Variants in XKR9 observed in about 807,000 individuals in gnomAD.
The protein encoded by XKR9 is XK related 9.
XKR9 carries 32 observed loss-of-function variants against 32.0 expected under a neutral mutation model. The observed-to-expected ratio is 1.00, with a 90% confidence interval of 0.76 to 1.34. The LOEUF (loss-of-function observed/expected upper bound fraction) is 1.34, where lower values mean the gene tolerates loss of function less well. Ranked by LOEUF, XKR9 falls within the 40% of genes most tolerant of loss-of-function variation. The probability of loss-of-function intolerance (pLI) is 0.00; values close to 1 mark genes in which losing one functional copy is unlikely to be tolerated. For synonymous variants in XKR9, 168 were observed against 143.4 expected, an observed-to-expected ratio of 1.17 and a Z score of -1.22; for missense variants, 546 against 429.7, an observed-to-expected ratio of 1.27 and a Z score of -2.39.
At chr8:70,813,864 C>T in the XKR9 span, among the ~76,000 whole-genome samples, 1 of 152,158 alleles carries the variant, frequency 6.6e-6, no homozygotes, top group African/African-American at 2.4e-5. Flanking sequence ...ACTAGTTCAA[C>T]CATTGTGGAA....
chr8:71,008,492 T>C, the XKR9 span, among the ~76,000 whole-genome samples: 1 of 152,240 alleles, frequency 6.6e-6, no homozygotes, highest in Non-Finnish European at 1.5e-5. Flanking sequence ...GGCCCCCAGA[T>C]CAGCAGCATT....
At chr8:71,036,500 A>G in the XKR9 span, among the ~76,000 whole-genome samples, 1 of 152,332 alleles carries the variant, frequency 6.6e-6, no homozygotes, top group Non-Finnish European at 1.5e-5. Context: ...TCAGCATAAT[A>G]GAACTCAAAA....
intron 3 of XKR9, among the ~76,000 whole-genome samples, chr8:70,694,147 G>C (rs1274605110): frequency 6.6e-6 from 1 of 152,232 alleles, no homozygotes; most frequent in Non-Finnish European, 1.5e-5. Flanking sequence ...AGTGAAGGCT[G>C]TGAAACAGCA....
intron 4 of XKR9, among the ~76,000 whole-genome samples, 169 bp from the exon 5 acceptor site, chr8:70,733,627 T>C (rs2132243592): frequency 6.6e-6 from 1 of 152,192 alleles, no homozygotes; most frequent in South Asian, 2.1e-4. Flanking sequence ...TCTCCAAGTC[T>C]CAGTTCCCCC....
chr8:71,011,074 G>T, the XKR9 span, among the ~76,000 whole-genome samples: 1 of 152,280 alleles, frequency 6.6e-6, no homozygotes, highest in East Asian at 1.9e-4. Flanking sequence ...TGTGTAAGAC[G>T]CATGGTGGCA....
At chr8:70,849,155 C>T in the XKR9 span, among the ~76,000 whole-genome samples, 3 of 152,156 alleles carry the variant, frequency 2.0e-5, no homozygotes, top group African/African-American at 4.8e-5. Context: ...CTTCTCAGCA[C>T]CACATCGCAC....
the XKR9 span, among the ~76,000 whole-genome samples, chr8:71,014,010 T>C: frequency 6.6e-6 from 1 of 152,098 alleles, no homozygotes; most frequent in African/African-American, 2.4e-5. Context: ...GCCTACTCTC[T>C]CACCCCCATT....
rs202147017 is a variant in XKR9, at chr8:70,719,157, A to AT, written c.493+12013dup. Among the ~76,000 whole-genome samples, 105 of 148,752 alleles carry AT rather than the reference A, an allele frequency of 7.1e-4. 1 individual carries two copies. Among genetic ancestry groups the AT allele is most frequent in the Non-Finnish European group, 1.4e-3 (92 of 66,636 alleles). ...TATCCTTCACTGACTTTTTGATGGG[A>AT]TTTTTTTTTCTTGTAAATTTAAGTT... On this transcript the variant is annotated intron_variant, in intron 4 of 4. Transcript: ENST00000408926.
the XKR9 span, among the ~76,000 whole-genome samples, chr8:70,913,314 A>T: frequency 1.3e-5 from 2 of 152,184 alleles, no homozygotes; most frequent in Non-Finnish European, 2.9e-5. Flanking sequence ...AGCAAAGAAA[A>T]AGCATATATT....
chr8:70,992,052 A>G, the XKR9 span, among the ~76,000 whole-genome samples: 3 of 152,230 alleles, frequency 2.0e-5, no homozygotes, highest in Non-Finnish European at 4.4e-5. Flanking sequence ...CTCCAAATCC[A>G]AATCTGTGTT....
intron 2 of XKR9, among the ~76,000 whole-genome samples, chr8:70,758,709 G>A (rs921767602): frequency 5.3e-5 from 8 of 152,196 alleles, no homozygotes; most frequent in African/African-American, 1.7e-4. Context: ...TTTTAAGTCA[G>A]TCTTGATGAC....
intron 2 of XKR9, among the ~76,000 whole-genome samples, chr8:70,747,132 A>G (rs1807069426): frequency 6.6e-6 from 1 of 152,108 alleles, no homozygotes; most frequent in Non-Finnish European, 1.5e-5. Flanking sequence ...GTGTATATTT[A>G]CCACATTTTC....
intron 3 of XKR9, among the ~76,000 whole-genome samples, chr8:70,789,826 G>A (rs931659047): frequency 4.6e-5 from 7 of 151,978 alleles, no homozygotes; most frequent in African/African-American, 1.7e-4. Context: ...ATTTTGATGA[G>A]CACCAACATT....
At chr8:71,042,852 C>T in the XKR9 span, among the ~76,000 whole-genome samples, 1 of 152,112 alleles carries the variant, frequency 6.6e-6, no homozygotes, top group Non-Finnish European at 1.5e-5. Context: ...CATGCAAGAC[C>T]CTGGTGGTTA....
the XKR9 span, among the ~76,000 whole-genome samples, chr8:70,894,110 G>A: frequency 1.3e-5 from 2 of 151,952 alleles, no homozygotes; most frequent in African/African-American, 4.8e-5. Context: ...AAGTAGTAGG[G>A]TATGGCTGCA....
chr8:71,048,180 G>C, the XKR9 span, among the ~76,000 whole-genome samples: 1 of 152,108 alleles, frequency 6.6e-6, no homozygotes, highest in Non-Finnish European at 1.5e-5. Flanking sequence ...ATCTAAAACT[G>C]CTATGTAAAA....
chr8:70,897,863 T>G, the XKR9 span, among the ~76,000 whole-genome samples: 1 of 152,348 alleles, frequency 6.6e-6, no homozygotes, highest in Middle Eastern at 3.4e-3. Flanking sequence ...GTGCAAAAGC[T>G]TTTTAACTTG....
At chr8:71,021,928 G>A in the XKR9 span, among the ~76,000 whole-genome samples, 1 of 152,210 alleles carries the variant, frequency 6.6e-6, no homozygotes, top group Admixed American at 6.5e-5. Flanking sequence ...GCCCAGAATG[G>A]TGTTACCTAG....
chr8:70,973,007 T>A, the XKR9 span, among the ~76,000 whole-genome samples: 1 of 152,204 alleles, frequency 6.6e-6, no homozygotes, highest in African/African-American at 2.4e-5. Flanking sequence ...AGTCCTTCTT[T>A]CCCTATCTTT....
Sources: allele counts gnomAD v4.1 joint callset (sites outside exome capture counted in the v4.1 genomes callset), GRCh38; gene constraint gnomAD v4.1.1; transcripts MANE v1.5; gene names NCBI Gene and HGNC (gene_info 2026-07-23, HGNC 2026-07-21).